The following CHID1 variants were observed in gnomAD, a reference collection of about 807,000 sequenced individuals.
The protein encoded by CHID1 is chitinase domain containing 1.
In CHID1, 44 loss-of-function variants were observed where a neutral mutation model predicts 55.4. That is an observed-to-expected ratio of 0.79 (90% CI 0.62 to 1.02). CHID1 has a LOEUF of 1.02. Ranked by LOEUF, CHID1 falls within the 50% of genes least tolerant of loss-of-function variation. CHID1 has a pLI of 0.00. For missense variants in CHID1, 491 were observed against 515.3 expected (o/e 0.95, Z 0.46); for synonymous variants, 216 against 212.9 (o/e 1.01, Z -0.13).
chr11:893,985 G>A (rs952215406), intron 7 of CHID1, among the ~76,000 whole-genome samples: 25 of 152,136 alleles, frequency 1.6e-4, no homozygotes, highest in African/African-American at 5.5e-4. Context: ...AGCAGGGTGT[G>A]GTGGCAGGTT....
chr11:890,401 C>T (rs992733815), intron 8 of CHID1, among the ~76,000 whole-genome samples: 1 of 152,264 alleles, frequency 6.6e-6, no homozygotes, highest in African/African-American at 2.4e-5. Context: ...TTGGGCTCCA[C>T]ATATAGCGAT....
intron 8 of CHID1, among the ~76,000 whole-genome samples, chr11:886,287 C>CT (rs1279531280): frequency 1.3e-5 from 2 of 151,156 alleles, no homozygotes; most frequent in Non-Finnish European, 2.9e-5. Flanking sequence ...CAGCAAGACT[C>CT]TGTCTCCACA....
chr11:904,654 T>C (rs1852074860), intron 2 of CHID1, 52 bp downstream of exon 2: 2 of 1,600,674 alleles, frequency 1.2e-6, no homozygotes, highest in Non-Finnish European at 1.7e-6. Context: ...AAGAGGATGA[T>C]GGATCAGCCC....
At chr11:903,359 AAGGC>A (rs1258306927) in intron 2 of CHID1, among the ~76,000 whole-genome samples, 1 of 152,200 alleles carries the variant, frequency 6.6e-6, no homozygotes, top group African/African-American at 2.4e-5. Flanking sequence ...TCCGGGCTGG[AAGGC>A]AGGCAGGCAG....
intron 11 of CHID1, 122 bp downstream of exon 11, chr11:870,297 G>T: frequency 2.2e-6 from 3 of 1,367,932 alleles, no homozygotes; most frequent in East Asian, 2.4e-5. Context: ...CTCCAGGGCC[G>T]GGAGCAGCAA....
intron 1 of CHID1, among the ~76,000 whole-genome samples, chr11:909,817 A>C (rs1172855114): frequency 1.3e-5 from 2 of 152,142 alleles, no homozygotes; most frequent in Non-Finnish European, 2.9e-5. Context: ...GTCTCTACAA[A>C]AAATATTTTT....
chr11:881,662 C>A (rs555336247), intron 10 of CHID1, among the ~76,000 whole-genome samples: 1 of 150,748 alleles, frequency 6.6e-6, no homozygotes, highest in African/African-American at 2.4e-5. Flanking sequence ...GAAATGACCA[C>A]GTCGGGCTCA....
At position 910,794 on chromosome 11, in the gene CHID1, G is replaced by C. The variant is rs1294855374; in HGVS notation, c.-63C>G. On this transcript the variant is annotated 5_prime_UTR_variant, in exon 1 of 13. Transcript: ENST00000323578. ...GCTCACCTGCATGTCAGGGAGGCCGGACGGCCACAAACGCACGGCCGGAAA... is the reference window on the plus strand; with the variant it reads ...GCTCACCTGCATGTCAGGGAGGCCGCACGGCCACAAACGCACGGCCGGAAA... 6.2e-6 allele frequency: 7 copies of C among 1,120,120 alleles called. No homozygotes were observed. In the South Asian group the frequency reaches 1.1e-4, roughly 17 times the overall value. The allele number at this position is 1,120,120 out of a possible 1,614,324, so 69.4% of individuals were successfully genotyped here. A position where few individuals can be genotyped will look rare whatever the true frequency, so the allele number is the denominator to read the frequency against.
intron 10 of CHID1, among the ~76,000 whole-genome samples, chr11:877,628 C>T (rs1849601744): frequency 6.6e-6 from 1 of 152,236 alleles, no homozygotes; most frequent in Non-Finnish European, 1.5e-5. Context: ...GTGTAATGGG[C>T]TGAGCTGTTC....
intron 7 of CHID1, among the ~76,000 whole-genome samples, chr11:895,654 C>T (rs1347763719): frequency 6.6e-6 from 1 of 152,144 alleles, no homozygotes; most frequent in Non-Finnish European, 1.5e-5. Context: ...TGCCAACAAA[C>T]TCTGCAGGAA....
intron 10 of CHID1, among the ~76,000 whole-genome samples, chr11:873,254 G>A (rs1342821337): frequency 2.6e-5 from 4 of 152,150 alleles, no homozygotes; most frequent in African/African-American, 9.7e-5. Context: ...CCACAGCAGA[G>A]GGAGGACAGT....
chr11:901,032 G>A (rs369241831), intron 4 of CHID1, 52 bp from the exon 5 acceptor site: 3 of 1,524,820 alleles, frequency 2.0e-6, no homozygotes, highest in Non-Finnish European at 1.8e-6. Context: ...CCAACTGGAA[G>A]ACCCAGCCTA....
At position 875,122 on chromosome 11, in the gene CHID1, A is replaced by C. The variant is rs2134122569; in HGVS notation, c.960-4623T>G. ...GAGCAATGGTGAGGCCCCCAGTGCC[A>C]GGCCCAGGCCCCCTCCTGAAGGGAG... On this transcript the variant is annotated intron_variant, in intron 10 of 12. Transcript: ENST00000323578. This position sits in a 1 kb window ranked among gnomAD's most constrained non-coding sequence, Gnocchi z 4.7. Among the ~76,000 whole-genome samples, 1 of 152,326 alleles carries C rather than the reference A, an allele frequency of 6.6e-6. No homozygotes were observed. The highest frequency in any genetic ancestry group is 6.5e-5 in the Admixed American group (1 of 15,310).
In CHID1 at chr11:875,498, G is replaced by A. The variant is rs1849450209; in HGVS notation, c.960-4999C>T. Among the ~76,000 whole-genome samples, 1 of 152,208 alleles carries A rather than the reference G, an allele frequency of 6.6e-6. No individual in the cohort carries two copies. The highest frequency in any genetic ancestry group is 6.5e-5 in the Admixed American group (1 of 15,278). ...AGAGGCACAAGCTGTAGACACTGAG[G>A]GCCCCGGGTGTGGAGAAGACCTGGC... On this transcript the variant is annotated intron_variant, in intron 10 of 12. Transcript: ENST00000323578. This position sits in a 1 kb window ranked among gnomAD's most constrained non-coding sequence, Gnocchi z 4.7.
chr11:897,911 G>A (rs1851498203), intron 7 of CHID1, among the ~76,000 whole-genome samples: 1 of 152,188 alleles, frequency 6.6e-6, no homozygotes. Context: ...GCTGGCGGAG[G>A]GTGTGGGGGT....
intron 1 of CHID1, chr11:908,486 G>T: frequency 1.4e-6 from 1 of 709,586 alleles, no homozygotes; most frequent in Non-Finnish European, 1.7e-6. Flanking sequence ...ACAGCCCCAG[G>T]GAAGGTGGGG....
intron 7 of CHID1, among the ~76,000 whole-genome samples, chr11:894,541 C>T (rs990632841): frequency 1.3e-5 from 2 of 152,336 alleles, no homozygotes; most frequent in African/African-American, 4.8e-5. Context: ...TACGTCCACA[C>T]TGGGCAGGCT....
At position 910,805 on chromosome 11, in the gene CHID1, A is replaced by G; in HGVS notation, c.-74T>C. 1 of 1,108,758 alleles carries G rather than the reference A, an allele frequency of 9.0e-7. No individual in the cohort carries two copies. The highest frequency in any genetic ancestry group is 1.9e-5 in the South Asian group (1 of 53,516). 68.7% of individuals were successfully genotyped at this position (1,108,758 alleles called of 1,614,324 possible). On this transcript the variant is annotated 5_prime_UTR_variant, in exon 1 of 13. Coordinates refer to ENST00000323578, the MANE Select transcript of CHID1 (RefSeq NM_023947.4). ...TGTCAGGGAGGCCGGACGGCCACAA[A>G]CGCACGGCCGGAAAACGCTCCAGCG...
intron 10 of CHID1, among the ~76,000 whole-genome samples, chr11:877,976 C>T (rs1849633606): frequency 1.3e-5 from 2 of 152,218 alleles, no homozygotes; most frequent in Non-Finnish European, 2.9e-5. Flanking sequence ...GGGACTGTGG[C>T]TTTCTAAGAA....
Sources: gnomAD v4.1 joint callset for allele counts (sites outside exome capture counted in the v4.1 genomes callset) on GRCh38, gnomAD v4.1.1 for gene constraint, Gnocchi (gnomAD v3.1) non-coding constraint, MANE v1.5 for transcripts, NCBI Gene and HGNC (gene_info 2026-07-23, HGNC 2026-07-21) for gene names.